Variants in MMD2 observed in about 807,000 individuals in gnomAD.
MMD2 encodes monocyte to macrophage differentiation associated 2.
A neutral mutation model predicts 33.5 loss-of-function variants in MMD2; 30 were observed. That is an observed-to-expected ratio of 0.90 (90% CI 0.67 to 1.22). The LOEUF is 1.22. Among genes scored for constraint, MMD2 ranks in the 50% most tolerant of loss-of-function variants. The pLI, the probability that MMD2 is intolerant of heterozygous loss-of-function variation, is 0.00. For missense variants in MMD2, 364 were observed against 325.4 expected, an observed-to-expected ratio of 1.12 and a Z score of -0.91; for synonymous variants, 129 against 123.0, an observed-to-expected ratio of 1.05 and a Z score of -0.32.
intron 4 of MMD2, among the ~76,000 whole-genome samples, chr7:4,913,815 C>G (rs1785074423): frequency 6.6e-6 from 1 of 151,456 alleles, no homozygotes; most frequent in African/African-American, 2.4e-5. Context: ...GTGCCTGCCA[C>G]CACGCCCGAC....
intron 1 of MMD2, among the ~76,000 whole-genome samples, chr7:4,958,233 C>G (rs1786441277): frequency 1.3e-5 from 2 of 152,164 alleles, no homozygotes; most frequent in Admixed American, 1.3e-4. Flanking sequence ...ATTTTTCATG[C>G]CAGCTTCCAG....
At position 4,920,284 on chromosome 7, in the gene MMD2, C is replaced by T. The variant is rs1562480812; in HGVS notation, c.177G>A (p.Leu59=). ...AGATGGTCTCCCAGTCATCGTCCGA[C>T]AGGAAGTAGAGGTTGGAGCTGCCCA... The part of the protein sequence containing the change: ...SILGSSNLYF[L]SDDDWETISA... Residue 59 remains leucine, a synonymous_variant, in exon 3 of 7, where the codon CTG becomes CTA. Transcript: ENST00000401401. 6.2e-7 allele frequency: 1 copy of T among 1,608,672 alleles called. No individual in the cohort carries two copies. Among genetic ancestry groups the T allele is most frequent in the Non-Finnish European group, 8.5e-7 (1 of 1,177,870 alleles).
chr7:4,920,070 T>C, intron 3 of MMD2, 101 bp downstream of exon 3: 10 of 1,343,560 alleles, frequency 7.4e-6, no homozygotes, highest in Non-Finnish European at 1.0e-5. Flanking sequence ...GTGGAGAATG[T>C]CACCAGGCAG....
chr7:4,958,285 G>A (rs1221018229), intron 1 of MMD2, among the ~76,000 whole-genome samples: 1 of 152,116 alleles, frequency 6.6e-6, no homozygotes, highest in Admixed American at 6.6e-5. Context: ...TATGTAAAAG[G>A]AGAAACCCCC....
At chr7:4,892,293 A>C in the MMD2 span, among the ~76,000 whole-genome samples, 2 of 152,198 alleles carry the variant, frequency 1.3e-5, no homozygotes, top group Admixed American at 1.3e-4. Flanking sequence ...GAACAAAATA[A>C]AAAATAAATC....
chr7:4,919,305 A>G (rs1017745028), intron 3 of MMD2, among the ~76,000 whole-genome samples: 7 of 152,140 alleles, frequency 4.6e-5, no homozygotes, highest in Non-Finnish European at 8.8e-5. Context: ...GTGAAGGCTC[A>G]TTTCCGAAAC....
intron 2 of MMD2, 58 bp downstream of exon 2, chr7:4,925,393 C>G (rs1467314249): frequency 7.4e-7 from 1 of 1,345,238 alleles, no homozygotes; most frequent in African/African-American, 1.5e-5. Flanking sequence ...ACTTCCCCCA[C>G]CCCCCTTCCC....
intron 1 of MMD2, 131 bp downstream of exon 1, chr7:4,958,840 G>C (rs1216647644): frequency 3.9e-6 from 3 of 764,480 alleles, no homozygotes; most frequent in Non-Finnish European, 5.4e-6. Context: ...TTTCTCGGGC[G>C]GGGGTCAGGG....
chr7:4,923,121 G>A (rs942554001), intron 2 of MMD2, among the ~76,000 whole-genome samples: 6 of 149,808 alleles, frequency 4.0e-5, no homozygotes, highest in African/African-American at 1.2e-4. Flanking sequence ...TTTTGTAAAC[G>A]AGTTTCACTC....
chr7:4,911,295 A>G, intron 4 of MMD2, 49 bp from the exon 5 acceptor site: 1 of 1,457,908 alleles, frequency 6.9e-7, no homozygotes. Flanking sequence ...GCCCACCAGG[A>G]CCCCGGCCCT....
At chr7:4,941,527 G>A (rs1785908898) in intron 1 of MMD2, among the ~76,000 whole-genome samples, 1 of 151,782 alleles carries the variant, frequency 6.6e-6, no homozygotes, top group African/African-American at 2.4e-5. Context: ...CTACTCAGGA[G>A]GCTGAGGCAA....
At chr7:4,899,222 T>C in the MMD2 span, among the ~76,000 whole-genome samples, 4 of 152,088 alleles carry the variant, frequency 2.6e-5, no homozygotes, top group African/African-American at 7.2e-5. Flanking sequence ...TCCAGAACCG[T>C]GAGAAATAAA....
intron 1 of MMD2, among the ~76,000 whole-genome samples, chr7:4,932,783 T>G (rs940550303): frequency 4.0e-5 from 6 of 151,894 alleles, no homozygotes; most frequent in African/African-American, 1.5e-4. Flanking sequence ...CCACCACCCC[T>G]GTCTAATTTT....
In MMD2 at chr7:4,946,098, C is replaced by T. The variant is rs1300144504; in HGVS notation, c.47+12873G>A. 1.3e-5 allele frequency among the ~76,000 whole-genome samples: 2 copies of T among 151,574 alleles called. No individual in the cohort carries two copies. The highest frequency in any genetic ancestry group is 2.4e-5 in the African/African-American group (1 of 41,250). The stretch of plus-strand genomic sequence containing the variant: ...ACGCACGCACACGCACGCACACACA[C>T]GCATGCACACGCGCACACGCACGCA... On this transcript the variant is annotated intron_variant, in intron 1 of 6. Transcript: ENST00000401401. This position sits in a 1 kb window ranked among gnomAD's most constrained non-coding sequence, Gnocchi z 5.0.
chr7:4,906,194 A>T lies in MMD2; in HGVS notation c.*1202T>A. On this transcript the variant is annotated 3_prime_UTR_variant, in exon 7 of 7. Coordinates refer to ENST00000401401, the MANE Select transcript of MMD2 (RefSeq NM_198403.4). ...CAGAGAATCTGAGATTCCAATTCAG[A>T]TCCTGGAGCTGGGCCTGCTACTCAC... 3.2e-6 allele frequency: 1 copy of T among 311,244 alleles called. No individual in the cohort carries two copies. Among genetic ancestry groups the T allele is most frequent in the Non-Finnish European group, 5.9e-6 (1 of 170,464 alleles). The allele number at this position is 311,244 out of a possible 1,614,324, so 19.3% of individuals were successfully genotyped here.
chr7:4,943,397 C>A (rs1785965277), intron 1 of MMD2, among the ~76,000 whole-genome samples: 3 of 152,130 alleles, frequency 2.0e-5, no homozygotes, highest in Non-Finnish European at 4.4e-5. Context: ...CCTGCCTCAG[C>A]CTCCCAAAGT....
intron 3 of MMD2, among the ~76,000 whole-genome samples, chr7:4,916,576 T>A (rs2115097957): frequency 6.6e-6 from 1 of 151,644 alleles, no homozygotes; most frequent in African/African-American, 2.4e-5. Context: ...AGAGACGGGG[T>A]TTCGCCATGT....
chr7:4,946,071 ACACGCACGCACACG>A lies in MMD2; in HGVS notation c.47+12886_47+12899del. ...TCTCTGGGGCAAAATGCACACACTC[ACACGCACGCACACG>A]CACGCACACACACGCATGCACACGC... On this transcript the variant is annotated intron_variant, in intron 1 of 6. Transcript: ENST00000401401. This position sits in a 1 kb window ranked among gnomAD's most constrained non-coding sequence, Gnocchi z 5.0. Among the ~76,000 whole-genome samples, 1 of 151,782 alleles carries A rather than the reference ACACGCACGCACACG, an allele frequency of 6.6e-6. No homozygotes were observed. Among genetic ancestry groups the A allele is most frequent in the African/African-American group, 2.4e-5 (1 of 41,342 alleles).
chr7:4,896,234 C>T, the MMD2 span, among the ~76,000 whole-genome samples: 2 of 152,084 alleles, frequency 1.3e-5, no homozygotes, highest in Non-Finnish European at 2.9e-5. Context: ...AATCCTAGCA[C>T]TTTGGGAGGC....
Sources: gnomAD v4.1 joint callset for allele counts (sites outside exome capture counted in the v4.1 genomes callset) on GRCh38, gnomAD v4.1.1 for gene constraint, Gnocchi (gnomAD v3.1) non-coding constraint, MANE v1.5 for transcripts, NCBI Gene and HGNC (gene_info 2026-07-23, HGNC 2026-07-21) for gene names.